KLHDC4: variants seen among roughly 807,000 people sequenced by gnomAD.
KLHDC4 encodes kelch domain containing 4, also known as kelch domain-containing protein 4.
A neutral mutation model predicts 62.4 loss-of-function variants in KLHDC4; 90 were observed. The observed-to-expected ratio is 1.44, with a 90% CI of 1.22 to 1.72. The LOEUF (loss-of-function observed/expected upper bound fraction) is 1.72, where lower values mean the gene tolerates loss of function less well. Among genes scored for constraint, KLHDC4 ranks in the 40% most tolerant of loss-of-function variants. KLHDC4 has a pLI of 0.00. For synonymous variants in KLHDC4, 386 were observed against 284.4 expected (o/e 1.36, Z -3.59); for missense variants, 1,025 against 699.7 (o/e 1.47, Z -5.25).
intron 7 of KLHDC4, among the ~76,000 whole-genome samples, chr16:87,723,951 CTCAGCCTCCCGAG>C (rs2038899723): frequency 6.6e-6 from 1 of 152,228 alleles, no homozygotes; most frequent in Non-Finnish European, 1.5e-5. Flanking sequence ...ATTCTCCTAT[CTCAGCCTCCCGAG>C]TAGCTGGGAT....
At chr16:87,741,481 T>A (rs2042233868) in intron 5 of KLHDC4, among the ~76,000 whole-genome samples, 1 of 152,198 alleles carries the variant, frequency 6.6e-6, no homozygotes, top group Non-Finnish European at 1.5e-5. Flanking sequence ...GGTTGCGGAA[T>A]CTAGGTTGTG....
Position 87,765,931 on chromosome 16 carries a change from A to T in KLHDC4, c.-41T>A. The T allele has an allele frequency of 6.5e-7, 1 of 1,533,976 alleles. No homozygotes were observed. Among genetic ancestry groups the T allele is most frequent in the Non-Finnish European group, 8.8e-7 (1 of 1,133,804 alleles). The stretch of plus-strand genomic sequence containing the variant: ...GCCGCGACGGGACACCAGGAAAGAA[A>T]ACGGCCCGCGCTCTCCGCTCGGAAA... On this transcript the variant is annotated 5_prime_UTR_variant, in exon 1 of 12. Transcript: ENST00000270583.
chr16:87,760,910 G>A (rs2045787136), intron 2 of KLHDC4, among the ~76,000 whole-genome samples: 2 of 152,038 alleles, frequency 1.3e-5, no homozygotes, highest in Non-Finnish European at 2.9e-5. Context: ...GCTGGCGCCT[G>A]TAATCCCAGC....
intron 5 of KLHDC4, among the ~76,000 whole-genome samples, chr16:87,742,158 T>G (rs2042333018): frequency 6.6e-6 from 1 of 151,252 alleles, no homozygotes; most frequent in East Asian, 1.9e-4. Flanking sequence ...CCACATAGTG[T>G]GTGAACCCCC....
At chr16:87,765,425 C>T (rs1369622520) in intron 1 of KLHDC4, 3 of 492,126 alleles carry the variant, frequency 6.1e-6, no homozygotes, top group East Asian at 1.2e-4. Context: ...CCGGCTCAAC[C>T]TCAGGTCTTC....
chr16:87,764,620 C>T (rs190224268), intron 1 of KLHDC4, among the ~76,000 whole-genome samples: 29 of 136,836 alleles, frequency 2.1e-4, no homozygotes, highest in Admixed American at 1.8e-3. Context: ...TGCACTCCAC[C>T]CTGGGCAACA....
chr16:87,708,399 A>G lies in KLHDC4; in HGVS notation c.1515T>C (p.Gly505=). The part of the protein sequence containing the change: ...EDSEEVEGAE[G]GVDDEDSGEE... ...CTCCGCTGTCTTCGTCGTCGACCCC[A>G]CCCTCGGCGCCCTCAACCTCCTCAC... The change falls in exon 11 of 12, where the codon GGT becomes GGC. Residue 505 remains glycine, a synonymous_variant. Transcript: ENST00000270583. The G allele has an allele frequency of 6.2e-7, 1 of 1,609,432 alleles. No individual in the cohort carries two copies. Among genetic ancestry groups the G allele is most frequent in the Non-Finnish European group, 8.5e-7 (1 of 1,178,522 alleles).
chr16:87,717,982 G>A (rs2037339951), intron 7 of KLHDC4, among the ~76,000 whole-genome samples: 1 of 152,168 alleles, frequency 6.6e-6, no homozygotes, highest in African/African-American at 2.4e-5. Context: ...CACTTCACAA[G>A]GCCTGATCTG....
chr16:87,714,878 G>A (rs1466793644), intron 7 of KLHDC4, among the ~76,000 whole-genome samples: 2 of 152,200 alleles, frequency 1.3e-5, no homozygotes, highest in African/African-American at 2.4e-5. Flanking sequence ...AACCACCACA[G>A]GGGCCTCTGA....
chr16:87,728,877 C>T (rs1281505971), intron 6 of KLHDC4, among the ~76,000 whole-genome samples: 2 of 152,184 alleles, frequency 1.3e-5, no homozygotes, highest in South Asian at 2.1e-4. Flanking sequence ...CCAGTTCAAG[C>T]GATTCTCTTG....
At chr16:87,759,973 T>C (rs1276902010) in intron 2 of KLHDC4, among the ~76,000 whole-genome samples, 1 of 151,994 alleles carries the variant, frequency 6.6e-6, no homozygotes, top group Non-Finnish European at 1.5e-5. Flanking sequence ...TCCAGGTAGG[T>C]CACATCAGAG....
chr16:87,739,608 C>CA (rs1399873400), intron 5 of KLHDC4, among the ~76,000 whole-genome samples: 15 of 152,090 alleles, frequency 9.9e-5, no homozygotes, highest in Admixed American at 9.8e-4. Context: ...GTCATCCATC[C>CA]ACACACCAGC....
At chr16:87,714,364 A>G (rs1245449866) in intron 8 of KLHDC4, 134 bp downstream of exon 8, 13 of 400,682 alleles carry the variant, frequency 3.2e-5, no homozygotes, top group Non-Finnish European at 4.4e-5. Context: ...GAAATGAGCC[A>G]TCTCGGCAGG....
chr16:87,765,498 A>G (rs1034766435), intron 1 of KLHDC4, among the ~76,000 whole-genome samples: 8 of 151,580 alleles, frequency 5.3e-5, no homozygotes, highest in Non-Finnish European at 8.8e-5. Flanking sequence ...GTGGAGGGAG[A>G]AGGGAGGAGG....
downstream of KLHDC4, among the ~76,000 whole-genome samples, chr16:87,706,347 A>G (rs1474630527): frequency 2.0e-4 from 25 of 122,248 alleles, no homozygotes; most frequent in African/African-American, 5.3e-4. Flanking sequence ...AGTTGGCGCA[A>G]TGCAAACACA....
At chr16:87,712,439 A>G (rs1366124635) in intron 8 of KLHDC4, among the ~76,000 whole-genome samples, 1 of 152,258 alleles carries the variant, frequency 6.6e-6, no homozygotes, top group Non-Finnish European at 1.5e-5. Context: ...CTCGCCACAC[A>G]GGGCAGGACC....
At chr16:87,742,478 C>G (rs1434709410) in intron 5 of KLHDC4, among the ~76,000 whole-genome samples, 1 of 152,198 alleles carries the variant, frequency 6.6e-6, no homozygotes, top group Non-Finnish European at 1.5e-5. Context: ...AACTTCACAT[C>G]AGTTGAACAA....
At position 87,709,617 on chromosome 16, in the gene KLHDC4, G is replaced by C. The variant is rs554429175; in HGVS notation, c.1095C>G (p.Pro365=). Residue 365 remains proline, a synonymous_variant, in exon 10 of 12, where the codon CCC becomes CCG. Transcript: ENST00000270583. ...CACACGCCGGCCTGCTACCACCTTCGGGCTCCTCTTTTCTGCCCCGCCTGC... is the reference window on the plus strand; with the variant it reads ...CACACGCCGGCCTGCTACCACCTTCCGGCTCCTCTTTTCTGCCCCGCCTGC... ...KKRRRGRKEE[P]EGGSRPACGG... is the part of the protein sequence containing the mutation. 2 of 1,609,742 alleles carry C rather than the reference G, an allele frequency of 1.2e-6. No individual in the cohort carries two copies. The highest frequency in any genetic ancestry group is 2.2e-5 in the East Asian group (1 of 44,774).
chr16:87,707,804 C>T (rs992073974), downstream of KLHDC4: 14 of 382,644 alleles, frequency 3.7e-5, no homozygotes, highest in South Asian at 1.5e-4. Flanking sequence ...AGACACCCTC[C>T]GCGGTGGTCT....
Sources: allele counts gnomAD v4.1 joint callset (sites outside exome capture counted in the v4.1 genomes callset), GRCh38; gene constraint gnomAD v4.1.1; transcripts MANE v1.5; gene names NCBI Gene and HGNC (gene_info 2026-07-23, HGNC 2026-07-21).